CUX2: variants seen among roughly 807,000 people sequenced by gnomAD.
The protein encoded by CUX2 is cut like homeobox 2, also known as homeobox protein cut-like 2.
A neutral mutation model predicts 144.8 loss-of-function variants in CUX2; 40 were observed. The observed-to-expected ratio is 0.28, with a 90% CI of 0.21 to 0.36. The LOEUF is 0.36. CUX2 is among the 10% of genes least tolerant of loss of function. CUX2 has a pLI of 1.00. For synonymous variants in CUX2, 827 were observed against 875.6 expected (o/e 0.94, Z 0.98); for missense variants, 1,615 against 1,994.0 (o/e 0.81, Z 3.62).
At chr12:111,311,089 A>C (rs1886874309) in intron 15 of CUX2, among the ~76,000 whole-genome samples, 1 of 152,230 alleles carries the variant, frequency 6.6e-6, no homozygotes. Flanking sequence ...CAAATGCCTG[A>C]GTTTGAGTCC....
intron 1 of CUX2, among the ~76,000 whole-genome samples, chr12:111,041,914 C>T (rs1343063010): frequency 6.6e-6 from 1 of 152,202 alleles, no homozygotes; most frequent in Non-Finnish European, 1.5e-5. Context: ...TAGTAGGGTT[C>T]AGAGCCTGCT....
chr12:111,108,722 G>T (rs770378708), intron 1 of CUX2, among the ~76,000 whole-genome samples: 2 of 101,864 alleles, frequency 2.0e-5, no homozygotes, highest in Non-Finnish European at 3.2e-5. Flanking sequence ...CACTCTCCTC[G>T]CCCCACTCTC....
chr12:111,306,819 T>C, intron 10 of CUX2, 102 bp from the exon 11 acceptor site: 1 of 928,424 alleles, frequency 1.1e-6, no homozygotes, highest in South Asian at 1.6e-5. Flanking sequence ...ATCATCCAGA[T>C]CAACAAATTT....
At chr12:111,215,511 A>G (rs918834402) in intron 2 of CUX2, among the ~76,000 whole-genome samples, 2 of 152,212 alleles carry the variant, frequency 1.3e-5, no homozygotes, top group Non-Finnish European at 2.9e-5. Flanking sequence ...GAGTGTCTAC[A>G]TGGAGAAGGG....
rs547645741 is a variant in CUX2, at chr12:111,117,662, T to C, written c.63+83422T>C. ...GATGACACTGAGAGCTAATGGTTAT[T>C]GACTATTTACCACATGCCATGTACT... On this transcript the variant is annotated intron_variant, in intron 1 of 21. Transcript: ENST00000261726. Among the ~76,000 whole-genome samples the C allele has an allele frequency of 2.6e-5, 4 of 152,328 alleles. No homozygotes were observed. The South Asian group carries it at 8.3e-4, about 32-fold the overall frequency.
At position 111,304,353 on chromosome 12, in the gene CUX2, G is replaced by A. The variant is rs1386035825; in HGVS notation, c.858+39G>A. 2.0e-6 allele frequency: 3 copies of A among 1,516,172 alleles called. No individual in the cohort carries two copies. The highest frequency in any genetic ancestry group is 4.6e-5 in the East Asian group (2 of 43,924). The allele number at this position is 1,516,172 out of a possible 1,614,324, so 93.9% of individuals were successfully genotyped here. On this transcript the variant is annotated intron_variant, in intron 10 of 21. Coordinates refer to ENST00000261726, the MANE Select transcript of CUX2 (RefSeq NM_015267.4). This position sits in a 1 kb window ranked among gnomAD's most constrained non-coding sequence, Gnocchi z 4.7. Reference sequence around the variant, plus strand: ...TGGGGAAGTGAGCAGGGAGGGCAGAGGGAAAGATCGGGAATGGCTGAGTTT... The same window carrying A: ...TGGGGAAGTGAGCAGGGAGGGCAGAAGGAAAGATCGGGAATGGCTGAGTTT...
At chr12:111,296,592 G>T (rs1046844717) in intron 8 of CUX2, 53 bp downstream of exon 8, 10 of 1,531,756 alleles carry the variant, frequency 6.5e-6, no homozygotes, top group Non-Finnish European at 7.1e-6. Flanking sequence ...TCCCAGACAG[G>T]CCTCCTCCTT....
At chr12:111,227,528 G>C (rs1403768596) in intron 3 of CUX2, among the ~76,000 whole-genome samples, 1 of 152,148 alleles carries the variant, frequency 6.6e-6, no homozygotes, top group Non-Finnish European at 1.5e-5. Context: ...CACTCTCTCT[G>C]TTCTCTCCAA....
intron 1 of CUX2, among the ~76,000 whole-genome samples, chr12:111,162,973 G>A (rs1877877292): frequency 6.6e-6 from 1 of 151,540 alleles, no homozygotes; most frequent in African/African-American, 2.4e-5. Context: ...TTGAACCTGG[G>A]AGGCCGAGTT....
At position 111,254,205 on chromosome 12, in the gene CUX2, G is replaced by A. The variant is rs573227946; in HGVS notation, c.223-9556G>A. Among the ~76,000 whole-genome samples the A allele has an allele frequency of 9.2e-5, 14 of 152,334 alleles. No homozygotes were observed. The South Asian group carries it at 2.5e-3, about 27-fold the overall frequency. ...TAGGGATGCTCAGAATCCAGACCAA[G>A]CACAAACACCTCCTTTCACTAAAAC... On this transcript the variant is annotated intron_variant, in intron 3 of 21. Transcript: ENST00000261726.
rs368329934 is a variant in CUX2 at position 111,344,885 on chromosome 12, T to G, written c.3660-2639T>G. ...ATCAGACTAGTGTATCATAATGAGATTATTATATTAGGTTGGTGCAAAAGT... is the reference window on the plus strand; with the variant it reads ...ATCAGACTAGTGTATCATAATGAGAGTATTATATTAGGTTGGTGCAAAAGT... On this transcript the variant is annotated intron_variant, in intron 21 of 21. Coordinates refer to ENST00000261726, the MANE Select transcript of CUX2 (RefSeq NM_015267.4). Among the ~76,000 whole-genome samples, 21 of 152,204 alleles carry G rather than the reference T, an allele frequency of 1.4e-4. 1 individual carries two copies. Among genetic ancestry groups the G allele is most frequent in the Admixed American group, 9.2e-4 (14 of 15,280 alleles).
At chr12:111,219,787 T>C (rs1881743772) in intron 3 of CUX2, among the ~76,000 whole-genome samples, 1 of 152,162 alleles carries the variant, frequency 6.6e-6, no homozygotes, top group African/African-American at 2.4e-5. Flanking sequence ...AGCTGTGTGA[T>C]CTGAGGTGAG....
rs1886932658 is a variant in CUX2, at chr12:111,312,039, A to C, written c.1901-61A>C. ...GAGGAGACAGCCCCCCTACCCCACC[A>C]GGCTCCGGAGACTGAGCCCAACATG... On this transcript the variant is annotated intron_variant, in intron 15 of 21. Transcript: ENST00000261726. The surrounding 1 kb of genome is among the most constrained non-coding windows in gnomAD (Gnocchi z 4.3). The C allele has an allele frequency of 6.9e-7, 1 of 1,456,390 alleles. No individual in the cohort carries two copies. The highest frequency in any genetic ancestry group is 1.4e-5 in the African/African-American group (1 of 71,152). 90.2% of individuals were successfully genotyped at this position (1,456,390 alleles called of 1,614,324 possible).
At chr12:111,290,406 C>T (rs1004514023) in intron 4 of CUX2, among the ~76,000 whole-genome samples, 1 of 152,110 alleles carries the variant, frequency 6.6e-6, no homozygotes, top group Non-Finnish European at 1.5e-5. Flanking sequence ...GGACTACAGG[C>T]ATGTGCCACC....
chr12:111,277,863 G>A lies in CUX2; in HGVS notation c.302-13555G>A, dbSNP rs369434026. ...AACAACACACGTTTATGATCTCACC[G>A]TTCTGCAGAACAGAAGTCCAAGATG... On this transcript the variant is annotated intron_variant, in intron 4 of 21. Coordinates refer to ENST00000261726, the MANE Select transcript of CUX2 (RefSeq NM_015267.4). This position sits in a 1 kb window ranked among gnomAD's most constrained non-coding sequence, Gnocchi z 5.0. Among the ~76,000 whole-genome samples the A allele has an allele frequency of 2.6e-5, 4 of 152,204 alleles. No individual in the cohort carries two copies. The highest frequency in any genetic ancestry group is 1.3e-4 in the Admixed American group (2 of 15,272).
At chr12:111,161,786 G>A (rs2136152010) in intron 1 of CUX2, among the ~76,000 whole-genome samples, 1 of 152,322 alleles carries the variant, frequency 6.6e-6, no homozygotes, top group East Asian at 1.9e-4. Flanking sequence ...CCAGGCTGGA[G>A]TGCAGTGGCA....
At chr12:111,132,827 C>A (rs1322950734) in intron 1 of CUX2, among the ~76,000 whole-genome samples, 1 of 152,104 alleles carries the variant, frequency 6.6e-6, no homozygotes, top group Non-Finnish European at 1.5e-5. Flanking sequence ...CTCGGCCTCC[C>A]AAAGTGCTGG....
chr12:111,195,558 A>G (rs1348810445), intron 1 of CUX2, among the ~76,000 whole-genome samples: 1 of 152,190 alleles, frequency 6.6e-6, no homozygotes, highest in Non-Finnish European at 1.5e-5. Context: ...TGGGTGGAGC[A>G]TCTTGTGGAC....
chr12:111,265,502 C>T (rs1310500803), intron 4 of CUX2, among the ~76,000 whole-genome samples: 3 of 151,694 alleles, frequency 2.0e-5, no homozygotes, highest in Non-Finnish European at 4.4e-5. Context: ...CCACCATTCC[C>T]GGCTAATTTT....
Sources: allele counts gnomAD v4.1 joint callset (sites outside exome capture counted in the v4.1 genomes callset), GRCh38; gene constraint gnomAD v4.1.1; non-coding constraint Gnocchi (gnomAD v3.1); transcripts MANE v1.5; gene names NCBI Gene and HGNC (gene_info 2026-07-23, HGNC 2026-07-21).